FIGN: variants seen among roughly 807,000 people sequenced by gnomAD.
FIGN encodes the protein fidgetin, microtubule severing factor, also known as fidgetin.
FIGN carries 11 observed loss-of-function variants against 51.3 expected under a neutral mutation model. That is an observed-to-expected ratio of 0.21 (90% CI 0.13 to 0.35). The LOEUF (loss-of-function observed/expected upper bound fraction) is 0.35. FIGN is among the 10% of genes least tolerant of loss of function. The pLI is 1.00. For synonymous variants in FIGN, 407 were observed against 363.2 expected, an observed-to-expected ratio of 1.12 and a Z score of -1.37; for missense variants, 857 against 943.6, an observed-to-expected ratio of 0.91 and a Z score of 1.20.
At chr2:163,707,355 A>C (rs925599206) in intron 2 of FIGN, among the ~76,000 whole-genome samples, 2 of 2,158 alleles carry the variant, frequency 9.3e-4, no homozygotes, top group African/African-American at 3.7e-3. Flanking sequence ...ACTCTGTCTC[A>C]AAAAAAAAAA....
intron 2 of FIGN, among the ~76,000 whole-genome samples, chr2:163,723,832 C>T (rs1181231048): frequency 1.3e-5 from 2 of 152,190 alleles, no homozygotes; most frequent in Non-Finnish European, 2.9e-5. Flanking sequence ...ATTGCTGACA[C>T]TTTTGCATGC....
intron 2 of FIGN, among the ~76,000 whole-genome samples, chr2:163,648,398 T>C (rs1285929855): frequency 6.6e-6 from 1 of 152,210 alleles, no homozygotes; most frequent in East Asian, 1.9e-4. Context: ...AGTCTCTTTT[T>C]AAACGATTAG....
intron 2 of FIGN, among the ~76,000 whole-genome samples, chr2:163,707,341 T>A (rs1410474960): frequency 8.8e-6 from 1 of 113,280 alleles, no homozygotes; most frequent in Non-Finnish European, 1.8e-5. Context: ...AGCGACAGAA[T>A]GAGACTCTGT....
intron 2 of FIGN, among the ~76,000 whole-genome samples, chr2:163,669,882 T>C (rs1207723093): frequency 6.6e-6 from 1 of 152,176 alleles, no homozygotes; most frequent in East Asian, 1.9e-4. Flanking sequence ...AGAACATGGG[T>C]AAGTAGGATT....
At chr2:163,664,050 T>G (rs1683734763) in intron 2 of FIGN, among the ~76,000 whole-genome samples, 1 of 152,148 alleles carries the variant, frequency 6.6e-6, no homozygotes, top group Non-Finnish European at 1.5e-5. Flanking sequence ...GGCTCTATAC[T>G]CATCCTGAAA....
intron 2 of FIGN, among the ~76,000 whole-genome samples, chr2:163,711,362 G>A (rs1684585062): frequency 1.3e-5 from 2 of 152,108 alleles, no homozygotes; most frequent in Admixed American, 6.6e-5. Flanking sequence ...ATTTTTGCAA[G>A]AAAATACTGC....
At chr2:163,720,638 G>A (rs985018701) in intron 2 of FIGN, among the ~76,000 whole-genome samples, 8 of 152,030 alleles carry the variant, frequency 5.3e-5, no homozygotes, top group African/African-American at 1.7e-4. Flanking sequence ...AGACAGACTT[G>A]CACCACTTAG....
At chr2:163,685,981 A>T (rs907517801) in intron 2 of FIGN, among the ~76,000 whole-genome samples, 2 of 152,220 alleles carry the variant, frequency 1.3e-5, no homozygotes, top group African/African-American at 4.8e-5. Context: ...AAATCTATCA[A>T]AGGCACAAAA....
chr2:163,625,377 T>C (rs976803739), intron 2 of FIGN, among the ~76,000 whole-genome samples: 8 of 152,038 alleles, frequency 5.3e-5, no homozygotes, highest in Admixed American at 3.3e-4. Context: ...ATAAATAACA[T>C]TATATTGCTT....
intron 2 of FIGN, among the ~76,000 whole-genome samples, chr2:163,624,440 A>AT (rs925425616): frequency 1.3e-5 from 2 of 151,236 alleles, no homozygotes; most frequent in Non-Finnish European, 3.0e-5. Flanking sequence ...AAAAAAAAAA[A>AT]GAGAGACACA....
In FIGN at chr2:163,665,384, C is replaced by T. The variant is rs114589907; in HGVS notation, c.26-53578G>A. ...ATAGTAAACATTCTTGAAGATATTACTCTTTAATTGTTTATGGATTATTCC... is the reference window on the plus strand; with the variant it reads ...ATAGTAAACATTCTTGAAGATATTATTCTTTAATTGTTTATGGATTATTCC... On this transcript the variant is annotated intron_variant, in intron 2 of 2. Coordinates refer to ENST00000333129, the MANE Select transcript of FIGN (RefSeq NM_018086.4). 9.9e-3 allele frequency among the ~76,000 whole-genome samples: 1,505 copies of T among 152,350 alleles called. 31 individuals are homozygous for T. The highest frequency in any genetic ancestry group is 0.035 in the African/African-American group (1,435 of 41,584).
intron 2 of FIGN, among the ~76,000 whole-genome samples, chr2:163,662,948 C>T (rs1316624148): frequency 6.6e-6 from 1 of 152,202 alleles, no homozygotes; most frequent in African/African-American, 2.4e-5. Flanking sequence ...TCCTGCCATG[C>T]TTCTGAGGGC....
At chr2:163,650,037 G>A (rs1208420274) in intron 2 of FIGN, among the ~76,000 whole-genome samples, 2 of 152,044 alleles carry the variant, frequency 1.3e-5, no homozygotes, top group Non-Finnish European at 2.9e-5. Context: ...CCATTACATT[G>A]GAGACTATGC....
intron 2 of FIGN, among the ~76,000 whole-genome samples, chr2:163,629,201 T>C (rs1395043054): frequency 2.6e-5 from 4 of 152,118 alleles, no homozygotes; most frequent in Admixed American, 1.3e-4. Context: ...TGGAAAGGCA[T>C]TTACAGAGTA....
chr2:163,713,498 A>G (rs1318161075), intron 2 of FIGN, among the ~76,000 whole-genome samples: 1 of 152,166 alleles, frequency 6.6e-6, no homozygotes, highest in African/African-American at 2.4e-5. Context: ...TTAAAAATAT[A>G]AAACAGAGGC....
At chr2:163,658,471 GA>G (rs1483538033) in intron 2 of FIGN, among the ~76,000 whole-genome samples, 11 of 151,126 alleles carry the variant, frequency 7.3e-5, no homozygotes, top group African/African-American at 2.2e-4. Context: ...CATTTATAAA[GA>G]AAAAGGTTTA....
intron 2 of FIGN, among the ~76,000 whole-genome samples, chr2:163,706,204 T>C (rs1456879379): frequency 1.3e-5 from 2 of 152,202 alleles, no homozygotes; most frequent in Non-Finnish European, 2.9e-5. Flanking sequence ...TCAGTAAATT[T>C]GAACCACAAA....
chr2:163,709,366 A>G (rs1684552339), intron 2 of FIGN, among the ~76,000 whole-genome samples: 1 of 152,194 alleles, frequency 6.6e-6, no homozygotes, highest in South Asian at 2.1e-4. Context: ...AATTGAAACT[A>G]CATGCACATT....
intron 2 of FIGN, among the ~76,000 whole-genome samples, chr2:163,636,963 C>T (rs2105314151): frequency 6.6e-6 from 1 of 152,162 alleles, no homozygotes; most frequent in South Asian, 2.1e-4. Context: ...CCTGTAGTCC[C>T]AGCTAATTGA....
Sources: gnomAD v4.1 joint callset for allele counts (sites outside exome capture counted in the v4.1 genomes callset) on GRCh38, gnomAD v4.1.1 for gene constraint, MANE v1.5 for transcripts, NCBI Gene and HGNC (gene_info 2026-07-23, HGNC 2026-07-21) for gene names.